Variants in MAP3K20 observed in about 807,000 individuals in gnomAD.
MAP3K20 encodes HCCS-4.
MAP3K20 carries 40 observed loss-of-function variants against 85.7 expected under a neutral mutation model. That is an observed-to-expected ratio of 0.47 (90% CI 0.36 to 0.61). MAP3K20 has a LOEUF of 0.61. Ranked by LOEUF, MAP3K20 falls within the 20% of genes least tolerant of loss-of-function variation. The pLI is 0.00. For missense variants in MAP3K20, 817 were observed against 961.7 expected (o/e 0.85, Z 1.99); for synonymous variants, 325 against 327.7 (o/e 0.99, Z 0.09).
chr2:173,227,268 T>A, intron 11 of MAP3K20: 1 of 438,330 alleles, frequency 2.3e-6, no homozygotes, highest in Non-Finnish European at 3.0e-6. Context: ...CTAAAGTCAG[T>A]GGGAGTGTAA....
At position 173,239,447 on chromosome 2, in the gene MAP3K20, A is replaced by G; in HGVS notation, c.1310A>G (p.Asn437Ser). Residue 437 changes from asparagine (N) to serine (S), a missense_variant, in exon 16 of 20, where the codon AAC (asparagine) becomes AGC (serine). Transcript: ENST00000375213. ...EPEENEEKIV[N>S]LELVFGFHLK... The stretch of plus-strand genomic sequence containing the variant: ...GAAGAAAATGAGGAAAAAATAGTGA[A>G]CCTGGAACTGGTTTTTGGTTTTCAC... 1 of 1,613,778 alleles carries G rather than the reference A, an allele frequency of 6.2e-7. No homozygotes were observed. Among genetic ancestry groups the G allele is most frequent in the Non-Finnish European group, 8.5e-7 (1 of 1,179,954 alleles).
intron 7 of MAP3K20, chr2:173,193,057 C>G (rs1272227776): frequency 1.1e-4 from 16 of 152,218 alleles, no homozygotes; most frequent in Admixed American, 1.0e-3. Flanking sequence ...GGGCACCTCC[C>G]TGGAACAAGA....
chr2:173,181,484 TTTAAAAGTTAGACA>T (rs1372106254), intron 3 of MAP3K20, among the ~76,000 whole-genome samples: 2 of 152,328 alleles, frequency 1.3e-5, no homozygotes, highest in South Asian at 4.1e-4. Context: ...TGATAGTTTC[TTTAAAAGTTAGACA>T]TAAACTTACC....
At chr2:173,107,941 T>C (rs776412286) in intron 2 of MAP3K20, among the ~76,000 whole-genome samples, 15 of 152,156 alleles carry the variant, frequency 9.9e-5, no homozygotes, top group Non-Finnish European at 1.9e-4. Flanking sequence ...TAGCACTATT[T>C]CAGCATAACT....
chr2:173,202,772 C>G (rs79273618), intron 8 of MAP3K20, among the ~76,000 whole-genome samples: 2 of 152,110 alleles, frequency 1.3e-5, no homozygotes, highest in Non-Finnish European at 2.9e-5. Flanking sequence ...GTTGTATTAA[C>G]GACTCCAGTA....
intron 10 of MAP3K20, 80 bp from the exon 11 acceptor site, chr2:173,217,035 G>T (rs1362073102): frequency 2.3e-6 from 3 of 1,299,906 alleles, no homozygotes; most frequent in African/African-American, 3.0e-5. Flanking sequence ...CTTTTACTTT[G>T]ATTAGCATTC....
rs956906325 is a variant in MAP3K20, at chr2:173,123,003, T to A, written c.159+31813T>A. Among the ~76,000 whole-genome samples the A allele has an allele frequency of 2.0e-5, 3 of 152,368 alleles. No individual in the cohort carries two copies. In the East Asian group the frequency reaches 5.8e-4, roughly 29 times the overall value. On this transcript the variant is annotated intron_variant, in intron 2 of 19. Transcript: ENST00000375213. ...CTCCCCTCACTTAGGTATTTTTCAA[T>A]GTCTTAGTGCAAGGAGTGTCTCTGG... is the stretch of plus-strand genomic sequence containing the variant.
At chr2:173,200,262 C>G (rs1691003917) in intron 8 of MAP3K20, among the ~76,000 whole-genome samples, 1 of 152,130 alleles carries the variant, frequency 6.6e-6, no homozygotes, top group African/African-American at 2.4e-5. Flanking sequence ...TTCATTTCAC[C>G]TCACAAATGG....
intron 2 of MAP3K20, among the ~76,000 whole-genome samples, chr2:173,093,208 T>C (rs115138231): frequency 0.016 from 2,365 of 152,318 alleles, 60 homozygotes; most frequent in African/African-American, 0.054. Flanking sequence ...GTGTGTTGGC[T>C]TCTGGCTAGG....
intron 2 of MAP3K20, among the ~76,000 whole-genome samples, chr2:173,154,308 C>G (rs970898829): frequency 6.6e-6 from 1 of 152,146 alleles, no homozygotes; most frequent in East Asian, 1.9e-4. Context: ...CTCAGCCTCC[C>G]GAGTAGTTTG....
At chr2:173,166,243 A>G (rs1352699450) in intron 2 of MAP3K20, among the ~76,000 whole-genome samples, 1 of 152,260 alleles carries the variant, frequency 6.6e-6, no homozygotes, top group African/African-American at 2.4e-5. Flanking sequence ...AGGCCCATTC[A>G]TGATGCAGTG....
chr2:173,083,274 G>A (rs1399385775), intron 1 of MAP3K20, among the ~76,000 whole-genome samples: 1 of 152,184 alleles, frequency 6.6e-6, no homozygotes, highest in Non-Finnish European at 1.5e-5. Flanking sequence ...AGCAGCCTTG[G>A]AGGAAGAAAG....
intron 16 of MAP3K20, among the ~76,000 whole-genome samples, chr2:173,246,408 C>T (rs879871115): frequency 2.6e-5 from 4 of 152,202 alleles, no homozygotes; most frequent in South Asian, 2.1e-4. Context: ...AAAAGGAAAG[C>T]GGCTTCCAGA....
At chr2:173,113,466 T>G (rs934640034) in intron 2 of MAP3K20, among the ~76,000 whole-genome samples, 5 of 152,198 alleles carry the variant, frequency 3.3e-5, no homozygotes, top group African/African-American at 1.2e-4. Context: ...CTTCTCTAGT[T>G]CATTGAGGTG....
chr2:173,136,331 A>G (rs750087078), intron 2 of MAP3K20, among the ~76,000 whole-genome samples: 13 of 152,212 alleles, frequency 8.5e-5, no homozygotes, highest in Non-Finnish European at 1.5e-4. Flanking sequence ...GTCATAACAG[A>G]AAATGCATAA....
rs759029947 is a variant in MAP3K20 at position 173,190,948 on chromosome 2, A to G, written c.444+25A>G. ...GGTAGGACTATTTCTTTTACTTAAA[A>G]AAATTGTTAATTTCAGATGTAGATT... On this transcript the variant is annotated intron_variant, in intron 6 of 19. Transcript: ENST00000375213. 4 of 1,607,806 alleles carry G rather than the reference A, an allele frequency of 2.5e-6. No individual in the cohort carries two copies. In the South Asian group the frequency reaches 4.5e-5, roughly 18 times the overall value.
chr2:173,221,945 T>C (rs1684263578), intron 11 of MAP3K20: 4 of 987,090 alleles, frequency 4.1e-6, no homozygotes, highest in Admixed American at 6.1e-5. Context: ...CTTTGACACG[T>C]AGTAATTCTG....
intron 1 of MAP3K20, chr2:173,090,496 G>A (rs1461697039): frequency 2.5e-6 from 1 of 399,946 alleles, no homozygotes. Context: ...CGTTTATTGT[G>A]TGTTCAGTTT....
At chr2:173,170,925 T>C (rs1295881371) in intron 3 of MAP3K20, among the ~76,000 whole-genome samples, 2 of 152,224 alleles carry the variant, frequency 1.3e-5, no homozygotes, top group African/African-American at 4.8e-5. Context: ...GGCTGTGAGC[T>C]GACTGGTTCT....
Sources: gnomAD v4.1 joint callset for allele counts (sites outside exome capture counted in the v4.1 genomes callset) on GRCh38, gnomAD v4.1.1 for gene constraint, MANE v1.5 for transcripts, NCBI Gene and HGNC (gene_info 2026-07-23, HGNC 2026-07-21) for gene names.